Variants in SMPD4 observed in about 807,000 individuals in gnomAD.
The protein encoded by SMPD4 is sphingomyelin phosphodiesterase 4.
SMPD4 carries 58 observed loss-of-function variants against 97.8 expected under a neutral mutation model. The observed-to-expected ratio is 0.59, with a 90% CI of 0.48 to 0.74. SMPD4 has a LOEUF of 0.74. Among genes scored for constraint, SMPD4 ranks in the 30% least tolerant of loss-of-function variants. SMPD4 has a pLI of 0.00. For synonymous variants in SMPD4, 388 were observed against 450.0 expected (o/e 0.86, Z 1.74); for missense variants, 853 against 1,080.5 (o/e 0.79, Z 2.95).
chr2:130,177,318 G>A (rs1163932464), intron 1 of SMPD4, among the ~76,000 whole-genome samples: 1 of 152,132 alleles, frequency 6.6e-6, no homozygotes, highest in Non-Finnish European at 1.5e-5. Flanking sequence ...CCAGACTCAA[G>A]CGAACTATCC....
Position 130,156,123 on chromosome 2 carries a change from A to G in SMPD4, c.1201T>C (p.Trp401Arg). 6.2e-7 allele frequency: 1 copy of G among 1,610,940 alleles called. No individual in the cohort carries two copies. The highest frequency in any genetic ancestry group is 8.5e-7 in the Non-Finnish European group (1 of 1,179,492). The part of the protein sequence containing the change: ...DASFRAVLEM[W>R]LSYLQPWRYA... The stretch of plus-strand genomic sequence containing the variant: ...CGCCACGGCTGCAGGTAGCTCAGCC[A>G]CATCTCCAGGACCTGTGGGGGAGGT... Residue 401 changes from tryptophan to arginine, a missense_variant, in exon 14 of 20, where the codon TGG becomes CGG. Transcript: ENST00000680298.
At chr2:130,164,222 C>G in intron 10 of SMPD4, 152 bp downstream of exon 10, 2 of 691,396 alleles carry the variant, frequency 2.9e-6, no homozygotes, top group Admixed American at 4.7e-5. Flanking sequence ...GAGAACGATG[C>G]CCACTTCTTA....
chr2:130,162,180 C>CCA (rs1687493026), intron 10 of SMPD4, among the ~76,000 whole-genome samples: 2 of 152,264 alleles, frequency 1.3e-5, no homozygotes, highest in African/African-American at 4.8e-5. Context: ...CTGGCCACAG[C>CCA]CACACACACC....
At chr2:130,181,507 G>A (rs925129799) in intron 1 of SMPD4, 23 bp downstream of exon 1, 2 of 1,592,748 alleles carry the variant, frequency 1.3e-6, no homozygotes, top group East Asian at 2.3e-5. Flanking sequence ...GACCGTCTCA[G>A]GCGCGCATCC....
chr2:130,171,971 C>G (rs1688513707), intron 8 of SMPD4, among the ~76,000 whole-genome samples: 1 of 152,238 alleles, frequency 6.6e-6, no homozygotes, highest in Admixed American at 6.5e-5. Context: ...GCCTCCCCTT[C>G]AAGATCTGCT....
intron 8 of SMPD4, among the ~76,000 whole-genome samples, chr2:130,170,794 C>T (rs1259585345): frequency 3.3e-5 from 5 of 151,754 alleles, no homozygotes; most frequent in African/African-American, 1.2e-4. Flanking sequence ...TGCAGTAGCT[C>T]ACACCTGTAA....
At chr2:130,167,890 C>T (rs1688082531) in intron 8 of SMPD4, among the ~76,000 whole-genome samples, 1 of 152,116 alleles carries the variant, frequency 6.6e-6, no homozygotes, top group African/African-American at 2.4e-5. Context: ...CTGATTTGGT[C>T]AAGAATCAAC....
chr2:130,169,578 T>C (rs1688245010), intron 8 of SMPD4, among the ~76,000 whole-genome samples: 2 of 151,868 alleles, frequency 1.3e-5, no homozygotes, highest in East Asian at 1.9e-4. Context: ...TTTTTTTTTT[T>C]CCCTGAGACA....
At chr2:130,163,933 G>A (rs112032236) in intron 10 of SMPD4, among the ~76,000 whole-genome samples, 18 of 152,196 alleles carry the variant, frequency 1.2e-4, no homozygotes, top group African/African-American at 3.4e-4. Context: ...TGGAGAAGGT[G>A]GGGGAGTAGG....
intron 3 of SMPD4, among the ~76,000 whole-genome samples, chr2:130,174,312 C>CA (rs934900593): frequency 5.9e-5 from 9 of 151,862 alleles, no homozygotes; most frequent in East Asian, 1.9e-4. Context: ...TGAGCCACCA[C>CA]AAAAAAAAGA....
At chr2:130,161,162 G>A in intron 11 of SMPD4, 24 bp downstream of exon 11, 1 of 1,609,848 alleles carries the variant, frequency 6.2e-7, no homozygotes, top group Non-Finnish European at 8.5e-7. Flanking sequence ...CTGGGCAGGA[G>A]GAAGGGAACG....
At chr2:130,156,481 C>G in intron 13 of SMPD4, 104 bp downstream of exon 13, 1 of 1,144,618 alleles carries the variant, frequency 8.7e-7, no homozygotes, top group Non-Finnish European at 1.3e-6. Context: ...CTTGCCAAGG[C>G]CTCTGTGATA....
Position 130,151,878 on chromosome 2 carries a change from T to A in SMPD4, c.*677A>T, listed in dbSNP as rs1394914201. 6.6e-6 allele frequency: 1 copy of A among 152,344 alleles called. No individual in the cohort carries two copies. Among genetic ancestry groups the A allele is most frequent in the Admixed American group, 6.6e-5 (1 of 15,248 alleles). The allele number at this position is 152,344 out of a possible 1,614,324, so 9.4% of individuals were successfully genotyped here. The stretch of plus-strand genomic sequence containing the variant: ...TGACAAGGCACAGGGGTCCGCGATG[T>A]TGGCCACTGCTTTGGGTGATGTGCT... On this transcript the variant is annotated 3_prime_UTR_variant, in exon 20 of 20. Transcript: ENST00000680298.
upstream of SMPD4, chr2:130,181,755 T>C (rs1558772200): frequency 1.9e-6 from 3 of 1,547,890 alleles, no homozygotes; most frequent in South Asian, 1.2e-5. Flanking sequence ...GAGTGGTCCT[T>C]AGCTGAATGC....
chr2:130,167,047 A>G (rs1558755110), intron 9 of SMPD4, among the ~76,000 whole-genome samples: 1 of 152,266 alleles, frequency 6.6e-6, no homozygotes, highest in East Asian at 1.9e-4. Context: ...AACAATTTAG[A>G]ATCAGCCCCG....
At chr2:130,176,769 C>G in intron 1 of SMPD4, 132 bp from the exon 2 acceptor site, 1 of 656,778 alleles carries the variant, frequency 1.5e-6, no homozygotes, top group South Asian at 2.0e-5. Flanking sequence ...CTCACTGCAA[C>G]CTCAAACTCC....
At chr2:130,167,657 G>A (rs1276860460) in intron 8 of SMPD4, 67 bp from the exon 9 acceptor site, 51 of 1,507,412 alleles carry the variant, frequency 3.4e-5, no homozygotes, top group Non-Finnish European at 4.0e-5. Context: ...GCTGTAACAG[G>A]GGCAATCTGG....
intron 10 of SMPD4, among the ~76,000 whole-genome samples, chr2:130,161,504 A>G (rs1422257696): frequency 2.6e-5 from 4 of 152,198 alleles, no homozygotes; most frequent in South Asian, 2.1e-4. Context: ...ACCCCCCTCC[A>G]CAACCAGGCC....
chr2:130,167,303 T>C (rs1307502710), intron 9 of SMPD4, among the ~76,000 whole-genome samples, 155 bp downstream of exon 9: 1 of 152,150 alleles, frequency 6.6e-6, no homozygotes, highest in African/African-American at 2.4e-5. Context: ...GTGTTTTTAG[T>C]AGAGACGTGG....
Sources: gnomAD v4.1 joint callset for allele counts (sites outside exome capture counted in the v4.1 genomes callset) on GRCh38, gnomAD v4.1.1 for gene constraint, MANE v1.5 for transcripts, NCBI Gene and HGNC (gene_info 2026-07-23, HGNC 2026-07-21) for gene names.